PTPN2: variants seen among roughly 807,000 people sequenced by gnomAD.
The protein encoded by PTPN2 is protein tyrosine phosphatase non-receptor type 2, also known as tyrosine-protein phosphatase non-receptor type 2.
Under a neutral mutation model 57.3 loss-of-function variants are expected in PTPN2, and 19 were observed. That is an observed-to-expected ratio of 0.33 (90% CI 0.23 to 0.49). The LOEUF is 0.49. Ranked by LOEUF, PTPN2 falls within the 20% of genes least tolerant of loss-of-function variation. The pLI is 0.99. For missense variants in PTPN2, 358 were observed against 501.1 expected, an observed-to-expected ratio of 0.71 and a Z score of 2.73; for synonymous variants, 153 against 164.9, an observed-to-expected ratio of 0.93 and a Z score of 0.55.
At chr18:12,866,263 C>A (rs1346132748) in intron 1 of PTPN2, among the ~76,000 whole-genome samples, 1 of 151,288 alleles carries the variant, frequency 6.6e-6, no homozygotes, top group Non-Finnish European at 1.5e-5. Flanking sequence ...ACAGTGAAAC[C>A]CCATCTCTAC....
In PTPN2 at chr18:12,821,764, G is replaced by A. The variant is rs190192222; in HGVS notation, c.495+4046C>T. On this transcript the variant is annotated intron_variant, in intron 5 of 8. Coordinates refer to ENST00000309660, the MANE Select transcript of PTPN2 (RefSeq NM_002828.4). Reference sequence around the variant, plus strand: ...ACCCGAAGGAGAGGGAGTTAGACAAGGAGGCAAGGACCAGGCTGAGCTGGG... The same window carrying A: ...ACCCGAAGGAGAGGGAGTTAGACAAAGAGGCAAGGACCAGGCTGAGCTGGG... Among the ~76,000 whole-genome samples the A allele has an allele frequency of 2.0e-5, 3 of 152,280 alleles. No individual in the cohort carries two copies. The East Asian group carries it at 5.8e-4, about 29-fold the overall frequency.
At chr18:12,847,603 G>A (rs1391785004) in intron 2 of PTPN2, among the ~76,000 whole-genome samples, 1 of 150,448 alleles carries the variant, frequency 6.6e-6, no homozygotes, top group Non-Finnish European at 1.5e-5. Flanking sequence ...ATTTGGCTTT[G>A]ATTAAAATTA....
At chr18:12,822,922 T>A (rs940905074) in intron 5 of PTPN2, among the ~76,000 whole-genome samples, 2 of 152,208 alleles carry the variant, frequency 1.3e-5, no homozygotes, top group Non-Finnish European at 2.9e-5. Context: ...TCCTATGAAG[T>A]AGGTACGTTA....
At chr18:12,785,699 C>T (rs2040829691) in exon 10 of PTPN2, 2 of 854,096 alleles carry the variant, frequency 2.3e-6, no homozygotes, top group Admixed American at 4.5e-5. Flanking sequence ...TGTAAACAAA[C>T]AACTGTGAGG....
At chr18:12,880,094 A>G (rs1211537429) in intron 1 of PTPN2, among the ~76,000 whole-genome samples, 1 of 152,252 alleles carries the variant, frequency 6.6e-6, no homozygotes, top group Non-Finnish European at 1.5e-5. Context: ...CATACCCAGC[A>G]TGGGCAGGTC....
chr18:12,857,803 A>C (rs2043645934), intron 2 of PTPN2, among the ~76,000 whole-genome samples: 1 of 152,072 alleles, frequency 6.6e-6, no homozygotes, highest in African/African-American at 2.4e-5. Flanking sequence ...ATGGAAAACC[A>C]CTCTTCTAGC....
chr18:12,813,531 G>A (rs1193770622), intron 7 of PTPN2, among the ~76,000 whole-genome samples: 4 of 152,150 alleles, frequency 2.6e-5, no homozygotes, highest in Non-Finnish European at 5.9e-5. Flanking sequence ...AGAAATGAAA[G>A]TGCTAGTAAA....
chr18:12,879,851 C>A (rs1243256376), intron 1 of PTPN2, among the ~76,000 whole-genome samples: 1 of 152,304 alleles, frequency 6.6e-6, no homozygotes, highest in South Asian at 2.1e-4. Context: ...ATGAGCATTA[C>A]CAAAAAAAGC....
At chr18:12,850,975 G>T (rs1428981656) in intron 2 of PTPN2, among the ~76,000 whole-genome samples, 2 of 152,008 alleles carry the variant, frequency 1.3e-5, no homozygotes, top group African/African-American at 4.8e-5. Flanking sequence ...CCCGACCTCA[G>T]GTGATCCACC....
At chr18:12,884,026 C>A in intron 1 of PTPN2, 47 bp downstream of exon 1, 2 of 1,506,178 alleles carry the variant, frequency 1.3e-6, no homozygotes, top group Non-Finnish European at 1.8e-6. Flanking sequence ...GGCACGAGTC[C>A]GGGTCTCGGA....
intron 5 of PTPN2, among the ~76,000 whole-genome samples, chr18:12,822,002 C>T (rs971285870): frequency 1.3e-5 from 2 of 151,910 alleles, no homozygotes; most frequent in Non-Finnish European, 2.9e-5. Context: ...ATTATGGAGT[C>T]AAGATTTACA....
chr18:12,799,294 G>C (rs1157815014), intron 8 of PTPN2, among the ~76,000 whole-genome samples: 1 of 151,754 alleles, frequency 6.6e-6, no homozygotes, highest in Non-Finnish European at 1.5e-5. Flanking sequence ...GCGGGGGCCT[G>C]TAATCCCAGC....
rs554438136 is a variant in PTPN2 at position 12,818,096 on chromosome 18, C to T, written c.496-731G>A. Among the ~76,000 whole-genome samples, 72 of 152,164 alleles carry T rather than the reference C, an allele frequency of 4.7e-4. No individual in the cohort carries two copies. In the South Asian group the frequency reaches 0.012, roughly 26 times the overall value. On this transcript the variant is annotated intron_variant, in intron 5 of 8. Coordinates refer to ENST00000309660, the MANE Select transcript of PTPN2 (RefSeq NM_002828.4). ...GGTGGAGGTTGCAGTGAGCAGAGAT[C>T]GTGCCATTGCACGCCAGCTTGGGCA... is the stretch of plus-strand genomic sequence containing the variant.
At chr18:12,866,650 T>C (rs2044004547) in intron 1 of PTPN2, among the ~76,000 whole-genome samples, 1 of 152,102 alleles carries the variant, frequency 6.6e-6, no homozygotes, top group Non-Finnish European at 1.5e-5. Context: ...TAAGATTTAG[T>C]TCCACAGCTG....
intron 7 of PTPN2, among the ~76,000 whole-genome samples, chr18:12,812,723 A>C (rs2041934973): frequency 6.6e-6 from 1 of 152,176 alleles, no homozygotes; most frequent in Non-Finnish European, 1.5e-5. Context: ...GAATGCCAAG[A>C]CCATTTCTGC....
intron 2 of PTPN2, 42 bp downstream of exon 2, chr18:12,859,122 A>C: frequency 1.3e-6 from 2 of 1,540,094 alleles, no homozygotes; most frequent in South Asian, 1.1e-5. Flanking sequence ...CTCCTAAAAC[A>C]AACCAAAAAA....
chr18:12,801,046 A>C (rs771885268), intron 8 of PTPN2, among the ~76,000 whole-genome samples: 3 of 152,246 alleles, frequency 2.0e-5, no homozygotes, highest in Non-Finnish European at 4.4e-5. Context: ...AGGTATTCAT[A>C]CTACTTATTT....
chr18:12,873,102 T>A (rs1460674995), intron 1 of PTPN2, among the ~76,000 whole-genome samples: 4 of 152,020 alleles, frequency 2.6e-5, no homozygotes, highest in Non-Finnish European at 5.9e-5. Context: ...ATGCCTGTAG[T>A]CCCTGCTACT....
chr18:12,818,143 CA>C (rs539869233), intron 5 of PTPN2, among the ~76,000 whole-genome samples: 5 of 148,228 alleles, frequency 3.4e-5, no homozygotes, highest in Admixed American at 6.7e-5. Context: ...ACTCCATCTT[CA>C]AAAAAAAAAA....
Sources: allele counts gnomAD v4.1 joint callset (sites outside exome capture counted in the v4.1 genomes callset), GRCh38; gene constraint gnomAD v4.1.1; transcripts MANE v1.5; gene names NCBI Gene and HGNC (gene_info 2026-07-23, HGNC 2026-07-21).